The following VTA1 variants were observed in gnomAD, a reference collection of about 807,000 sequenced individuals.
VTA1 encodes the protein vacuolar protein sorting-associated protein VTA1 homolog.
In VTA1, 24 loss-of-function variants were observed where a neutral mutation model predicts 36.9. The observed-to-expected ratio is 0.65, with a 90% CI of 0.47 to 0.91. The LOEUF (loss-of-function observed/expected upper bound fraction) is 0.91, where lower values mean the gene tolerates loss of function less well. VTA1 is among the 40% of genes least tolerant of loss of function. The probability of loss-of-function intolerance (pLI) is 0.00; values close to 1 mark genes in which losing one functional copy is unlikely to be tolerated. For missense variants in VTA1, 393 were observed against 377.2 expected (o/e 1.04, Z -0.35); for synonymous variants, 142 against 130.2 (o/e 1.09, Z -0.62).
chr6:142,152,180 A>G (rs1341546024), intron 1 of VTA1, among the ~76,000 whole-genome samples: 3 of 152,162 alleles, frequency 2.0e-5, no homozygotes, highest in East Asian at 1.9e-4. Context: ...GCATCCTACA[A>G]TAAATAAGAA....
At chr6:142,200,436 T>G (rs1028711296) in intron 6 of VTA1, among the ~76,000 whole-genome samples, 5 of 151,980 alleles carry the variant, frequency 3.3e-5, no homozygotes, top group Non-Finnish European at 5.9e-5. Flanking sequence ...ATAGAAAGAC[T>G]GTCCAAGGAG....
chr6:142,158,546 T>C (rs966983288), intron 1 of VTA1, among the ~76,000 whole-genome samples: 16 of 152,206 alleles, frequency 1.1e-4, no homozygotes, highest in Non-Finnish European at 2.1e-4. Flanking sequence ...TGGGATCTTA[T>C]CAATAGTATA....
rs140712000 is a variant in VTA1 at position 142,149,503 on chromosome 6, A to T, written c.112+2104A>T. ...TCTCTGAGTCTTAATGAGGTTTAGCATCTTTTCATATGTTAATTAACCATT... is the reference window on the plus strand; with the variant it reads ...TCTCTGAGTCTTAATGAGGTTTAGCTTCTTTTCATATGTTAATTAACCATT... On this transcript the variant is annotated intron_variant, in intron 1 of 7. Transcript: ENST00000367630. Among the ~76,000 whole-genome samples the T allele has an allele frequency of 3.3e-5, 5 of 152,310 alleles. No homozygotes were observed. The East Asian group carries it at 9.6e-4, about 29-fold the overall frequency.
chr6:142,182,627 G>A (rs1309535608), intron 4 of VTA1, among the ~76,000 whole-genome samples: 1 of 152,142 alleles, frequency 6.6e-6, no homozygotes, highest in East Asian at 1.9e-4. Flanking sequence ...ATGACTCCAA[G>A]GGTTGGACCT....
In VTA1 at chr6:142,198,495, CCAT is replaced by C. The variant is rs1775611492; in HGVS notation, c.585_587del (p.Ser197del). 4.3e-6 allele frequency: 7 copies of C among 1,614,090 alleles called. No individual in the cohort carries two copies. The South Asian group carries it at 7.7e-5, about 18-fold the overall frequency. On this transcript the variant is annotated inframe_deletion, in exon 6 of 8. Coordinates refer to ENST00000367630, the MANE Select transcript of VTA1 (RefSeq NM_016485.5). The stretch of plus-strand genomic sequence containing the variant: ...CTCTCTGCCCACTCAGCCAACTCAG[CCAT>C]CATCATCTTCAACTTATGACCCAAG...
Position 142,220,749 on chromosome 6 carries a change from A to G in VTA1, c.*2106A>G, listed in dbSNP as rs1411553542. On this transcript the variant is annotated 3_prime_UTR_variant, in exon 8 of 8. Transcript: ENST00000367630. ...GTATTTTTTCCTATAAAATCTTAAA[A>G]TAAAATTAGGAGATGTGTTCTGATG... 1 of 151,604 alleles carries G rather than the reference A, an allele frequency of 6.6e-6. No homozygotes were observed. The highest frequency in any genetic ancestry group is 1.9e-4 in the East Asian group (1 of 5,192). The allele number at this position is 151,604 out of a possible 1,614,324, so 9.4% of individuals were successfully genotyped here.
chr6:142,214,213 G>A (rs1253169444), intron 7 of VTA1, among the ~76,000 whole-genome samples: 1 of 152,132 alleles, frequency 6.6e-6, no homozygotes, highest in Non-Finnish European at 1.5e-5. Context: ...AAATTCCACA[G>A]ATCTCTAGGG....
At chr6:142,164,697 A>G (rs1774881284) in intron 1 of VTA1, among the ~76,000 whole-genome samples, 2 of 152,210 alleles carry the variant, frequency 1.3e-5, no homozygotes, top group Admixed American at 1.3e-4. Context: ...GTAGACCCAT[A>G]GAATAACACA....
At chr6:142,200,439 C>G (rs1276468145) in intron 6 of VTA1, among the ~76,000 whole-genome samples, 1 of 151,874 alleles carries the variant, frequency 6.6e-6, no homozygotes, top group Non-Finnish European at 1.5e-5. Flanking sequence ...GAAAGACTGT[C>G]CAAGGAGTTT....
At position 142,189,453 on chromosome 6, in the gene VTA1, T is replaced by C; in HGVS notation, c.439T>C (p.Trp147Arg). The change falls in exon 5 of 8, where the codon TGG becomes CGG. Residue 147 changes from tryptophan (W) to arginine (R), a missense_variant. Physicochemically the swap from Trp to Arg is moderately radical, Grantham distance 101 (BLOSUM62 -3). Coordinates refer to ENST00000367630, the MANE Select transcript of VTA1 (RefSeq NM_016485.5). ...ENVKHRKYAR[W>R]KATYIHNCLK... ...TGTGAAACACAGGAAGTATGCCAGA[T>C]GGAAGGCAACATACATCCATAATTG... The C allele has an allele frequency of 6.2e-7, 1 of 1,614,038 alleles. No homozygotes were observed. Among genetic ancestry groups the C allele is most frequent in the Non-Finnish European group, 8.5e-7 (1 of 1,179,952 alleles).
At chr6:142,160,313 G>A (rs1288501251) in intron 1 of VTA1, among the ~76,000 whole-genome samples, 1 of 152,130 alleles carries the variant, frequency 6.6e-6, no homozygotes, top group Non-Finnish European at 1.5e-5. Flanking sequence ...TCTGGTTGGA[G>A]CTTGAATGCG....
At chr6:142,172,006 T>G (rs1322840973) in intron 4 of VTA1, among the ~76,000 whole-genome samples, 2 of 152,188 alleles carry the variant, frequency 1.3e-5, no homozygotes, top group African/African-American at 2.4e-5. Flanking sequence ...TTGTGACAAA[T>G]GAAGGACTTT....
At chr6:142,188,503 G>C (rs1003141822) in intron 4 of VTA1, among the ~76,000 whole-genome samples, 2 of 152,028 alleles carry the variant, frequency 1.3e-5, no homozygotes, top group African/African-American at 4.8e-5. Context: ...ATGAGCCACC[G>C]TGCCTGTTTT....
chr6:142,149,069 G>C (rs888762215), intron 1 of VTA1, among the ~76,000 whole-genome samples: 9 of 152,146 alleles, frequency 5.9e-5, no homozygotes, highest in African/African-American at 2.2e-4. Flanking sequence ...ACCTAATCCA[G>C]TTTCCTTTAT....
chr6:142,189,158 T>A (rs1265436597), intron 4 of VTA1, among the ~76,000 whole-genome samples: 3 of 152,234 alleles, frequency 2.0e-5, no homozygotes, highest in Non-Finnish European at 4.4e-5. Flanking sequence ...AGGACACTCC[T>A]GTTTTTCCGT....
chr6:142,181,374 C>T (rs193263407), intron 4 of VTA1, among the ~76,000 whole-genome samples: 6,132 of 148,114 alleles, frequency 0.041, 190 homozygotes, highest in Non-Finnish European at 0.064. Context: ...ACCTCGTGAT[C>T]CGCCTTCCTC....
chr6:142,158,518 A>G (rs146652438), intron 1 of VTA1, among the ~76,000 whole-genome samples: 18 of 152,318 alleles, frequency 1.2e-4, no homozygotes, highest in African/African-American at 4.3e-4. Flanking sequence ...TTATCAAGTT[A>G]TTATTATTCC....
chr6:142,177,860 C>T (rs956724209), intron 4 of VTA1, among the ~76,000 whole-genome samples: 1 of 152,028 alleles, frequency 6.6e-6, no homozygotes, highest in Non-Finnish European at 1.5e-5. Context: ...TAAAATTTTT[C>T]ATGGAAACTA....
At chr6:142,197,642 C>A (rs1424427975) in intron 5 of VTA1, among the ~76,000 whole-genome samples, 1 of 152,172 alleles carries the variant, frequency 6.6e-6, no homozygotes, top group Non-Finnish European at 1.5e-5. Flanking sequence ...CACAGATAAT[C>A]ATTTAGTAGC....
Sources: gnomAD v4.1 joint callset for allele counts (sites outside exome capture counted in the v4.1 genomes callset) on GRCh38, gnomAD v4.1.1 for gene constraint, MANE v1.5 for transcripts, NCBI Gene and HGNC (gene_info 2026-07-23, HGNC 2026-07-21) for gene names.